Variants in COA1 observed in about 807,000 individuals in gnomAD.
The protein encoded by COA1 is cytochrome c oxidase assembly factor 1 homolog.
COA1 carries 13 observed loss-of-function variants against 16.0 expected under a neutral mutation model. That is an observed-to-expected ratio of 0.81 (90% CI 0.53 to 1.29). The LOEUF is 1.29. Among genes scored for constraint, COA1 ranks in the 50% most tolerant of loss-of-function variants. The pLI, the probability that COA1 is intolerant of heterozygous loss-of-function variation, is 0.00. For synonymous variants in COA1, 65 were observed against 65.7 expected, an observed-to-expected ratio of 0.99 and a Z score of 0.05; for missense variants, 179 against 177.0, an observed-to-expected ratio of 1.01 and a Z score of -0.06.
Position 43,639,631 on chromosome 7 carries a change from G to C in COA1, c.392C>G (p.Pro131Arg). ...FLELKDGQQI[P>R]VFKLSGENGD... The stretch of plus-strand genomic sequence containing the variant: ...GTTTTCCCCACTGAGCTTGAACACA[G>C]GAATCTGCTGACCATCCTTGAGCTC... The change falls in exon 6 of 6, where the codon CCT becomes CGT. Residue 131 changes from proline (P) to arginine (R), a missense_variant. Coordinates refer to ENST00000223336, the MANE Select transcript of COA1 (RefSeq NM_018224.4). 4 of 1,614,074 alleles carry C rather than the reference G, an allele frequency of 2.5e-6. No homozygotes were observed. The highest frequency in any genetic ancestry group is 3.4e-6 in the Non-Finnish European group (4 of 1,179,976).
At chr7:43,725,757 G>A (rs1048635390) in intron 1 of COA1, among the ~76,000 whole-genome samples, 1 of 151,850 alleles carries the variant, frequency 6.6e-6, no homozygotes, top group Non-Finnish European at 1.5e-5. Context: ...TACTCAGGAG[G>A]CTGGGGCAGG....
chr7:43,631,542 T>C (rs559273115), intron 6 of COA1: 1 of 152,270 alleles, frequency 6.6e-6, no homozygotes, highest in Non-Finnish European at 1.5e-5. Flanking sequence ...TGATAGTTCT[T>C]CTGGCACTAA....
chr7:43,619,371 G>A (rs2083640498), intron 6 of COA1, among the ~76,000 whole-genome samples: 2 of 152,202 alleles, frequency 1.3e-5, no homozygotes, highest in Admixed American at 1.3e-4. Context: ...ATATTTATAT[G>A]CTGAGGAAGA....
chr7:43,628,220 G>GAC (rs879306714), intron 6 of COA1, among the ~76,000 whole-genome samples: 1 of 152,062 alleles, frequency 6.6e-6, no homozygotes, highest in Non-Finnish European at 1.5e-5. Flanking sequence ...TCGAACTCCT[G>GAC]ACCTCAAGTG....
intron 1 of COA1, among the ~76,000 whole-genome samples, chr7:43,695,478 C>T (rs2094498691): frequency 6.6e-6 from 1 of 151,970 alleles, no homozygotes; most frequent in African/African-American, 2.4e-5. Context: ...CTATCCACAG[C>T]ATTTATTACC....
Position 43,612,417 on chromosome 7 carries a change from G to A in COA1, c.*134-2922C>T, listed in dbSNP as rs139900226. Among the ~76,000 whole-genome samples, 440 of 152,278 alleles carry A rather than the reference G, an allele frequency of 2.9e-3. 2 individuals carry two copies. In the Middle Eastern group the frequency reaches 0.034, roughly 12 times the overall value. ...AGTGAGTCTGCTGTCCTCTGTCTTC[G>A]ACAGTGTGTGCTCATAATGTTGACT... On this transcript the variant is annotated intron_variant and NMD_transcript_variant, in intron 6 of 6. Transcript: ENST00000415076.
rs2090100046 is a variant in COA1, at chr7:43,648,662, G to A, written c.-38-10C>T. On this transcript the variant is annotated splice_polypyrimidine_tract_variant and intron_variant, in intron 1 of 5. Transcript: ENST00000223336. ...TCAAAGGCAAGTTGTCCTGCAATTA[G>A]AAAAGATTTTACATTAAAATCATAT... 1 of 1,599,960 alleles carries A rather than the reference G, an allele frequency of 6.3e-7. No homozygotes were observed. Among genetic ancestry groups the A allele is most frequent in the Non-Finnish European group, 8.6e-7 (1 of 1,169,270 alleles).
chr7:43,612,329 A>G (rs114682754), intron 6 of COA1, among the ~76,000 whole-genome samples: 2 of 152,196 alleles, frequency 1.3e-5, no homozygotes, highest in African/African-American at 4.8e-5. Flanking sequence ...TATGGCAACC[A>G]TGCATGCGGG....
chr7:43,697,189 A>G (rs996153774), intron 1 of COA1, among the ~76,000 whole-genome samples: 2 of 152,154 alleles, frequency 1.3e-5, no homozygotes, highest in African/African-American at 2.4e-5. Flanking sequence ...TAAGAATCTG[A>G]TATCAGTAAA....
At chr7:43,687,447 A>G (rs2094089705) in intron 1 of COA1, among the ~76,000 whole-genome samples, 1 of 152,204 alleles carries the variant, frequency 6.6e-6, no homozygotes, top group African/African-American at 2.4e-5. Flanking sequence ...GAGAGTAAAT[A>G]TATATAAACA....
intron 1 of COA1, among the ~76,000 whole-genome samples, chr7:43,684,632 T>C (rs2093931877): frequency 6.6e-6 from 1 of 152,096 alleles, no homozygotes; most frequent in Non-Finnish European, 1.5e-5. Flanking sequence ...ATGAAGGCTA[T>C]AAAGAGCAAG....
intron 1 of COA1, among the ~76,000 whole-genome samples, chr7:43,663,475 ACT>A (rs1160980692): frequency 6.6e-6 from 1 of 151,964 alleles, no homozygotes; most frequent in Non-Finnish European, 1.5e-5. Flanking sequence ...ATCTGCGATA[ACT>A]CTGAATTTCA....
At chr7:43,688,348 TG>T in intron 1 of COA1, among the ~76,000 whole-genome samples, 1 of 139,910 alleles carries the variant, frequency 7.1e-6, no homozygotes, top group Non-Finnish European at 1.7e-5. Flanking sequence ...AATATTTTTA[TG>T]ATAAAAAAAC....
intron 1 of COA1, among the ~76,000 whole-genome samples, chr7:43,685,327 A>C (rs1246288235): frequency 6.6e-6 from 1 of 152,152 alleles, no homozygotes; most frequent in Non-Finnish European, 1.5e-5. Flanking sequence ...ACTTCTCACC[A>C]TCATCTGGTG....
At chr7:43,680,954 T>G (rs1219275213) in intron 1 of COA1, among the ~76,000 whole-genome samples, 2 of 152,140 alleles carry the variant, frequency 1.3e-5, no homozygotes, top group Admixed American at 6.5e-5. Flanking sequence ...CTGGGCAATA[T>G]AGTGAGACCC....
chr7:43,717,285 T>C (rs951439532), intron 1 of COA1, among the ~76,000 whole-genome samples: 2 of 152,166 alleles, frequency 1.3e-5, no homozygotes, highest in African/African-American at 4.8e-5. Flanking sequence ...GGAGGGAGGC[T>C]ATGCCCTGCA....
chr7:43,644,711 T>C, intron 4 of COA1, among the ~76,000 whole-genome samples: 32 of 6,782 alleles, frequency 4.7e-3, no homozygotes, highest in African/African-American at 0.014. Context: ...ATAGATAGAT[T>C]AGATAGATAG....
intron 1 of COA1, among the ~76,000 whole-genome samples, chr7:43,710,367 A>ATATATATATATATATATAT (rs1439949488): frequency 9.4e-6 from 1 of 105,908 alleles, no homozygotes; most frequent in African/African-American, 3.7e-5. Flanking sequence ...AAAAAAAAAA[A>ATATATATATATATATATAT]AAAAAAAAAT....
Position 43,647,644 on chromosome 7 carries a change from A to G in COA1, c.16-10T>C. 2.5e-6 allele frequency: 4 copies of G among 1,599,534 alleles called. No individual in the cohort carries two copies. The highest frequency in any genetic ancestry group is 3.4e-6 in the Non-Finnish European group (4 of 1,167,482). ...GCCTGCTTCCTGCATACTTAAAAAC[A>G]AAAGATACAAATTTATTGTAGGATT... On this transcript the variant is annotated splice_polypyrimidine_tract_variant and intron_variant, in intron 2 of 5. Coordinates refer to ENST00000223336, the MANE Select transcript of COA1 (RefSeq NM_018224.4).
Sources: allele counts gnomAD v4.1 joint callset (sites outside exome capture counted in the v4.1 genomes callset), GRCh38; gene constraint gnomAD v4.1.1; transcripts MANE v1.5; gene names NCBI Gene and HGNC (gene_info 2026-07-23, HGNC 2026-07-21).